SGCZ: variants seen among roughly 807,000 people sequenced by gnomAD.
SGCZ encodes sarcoglycan zeta.
Under a neutral mutation model 41.3 loss-of-function variants are expected in SGCZ, and 40 were observed. That is an observed-to-expected ratio of 0.97 (90% CI 0.75 to 1.26). The LOEUF is 1.26. Ranked by LOEUF, SGCZ falls within the 50% of genes most tolerant of loss-of-function variation. The pLI, the probability that SGCZ is intolerant of heterozygous loss-of-function variation, is 0.00. For missense variants in SGCZ, 552 were observed against 369.8 expected, an observed-to-expected ratio of 1.49 and a Z score of -4.04; for synonymous variants, 206 against 137.5, an observed-to-expected ratio of 1.50 and a Z score of -3.49.
intron 1 of SGCZ, among the ~76,000 whole-genome samples, chr8:14,890,132 G>T (rs150346558): frequency 6.6e-6 from 1 of 151,896 alleles, no homozygotes; most frequent in African/African-American, 2.4e-5. Context: ...CAGGTGAATC[G>T]CTTCAACGTG....
chr8:15,096,253 A>ATT (rs1376104166), intron 1 of SGCZ, among the ~76,000 whole-genome samples: 4 of 143,024 alleles, frequency 2.8e-5, no homozygotes, highest in African/African-American at 7.7e-5. Context: ...ACTTTTGGTA[A>ATT]TTTTTTTTTT....
At chr8:14,628,230 C>T (rs1806527184) in intron 1 of SGCZ, among the ~76,000 whole-genome samples, 1 of 151,974 alleles carries the variant, frequency 6.6e-6, no homozygotes, top group Non-Finnish European at 1.5e-5. Flanking sequence ...AAAAAGATCC[C>T]ATCTTGATCA....
At chr8:14,786,787 G>A (rs545085201) in intron 1 of SGCZ, among the ~76,000 whole-genome samples, 1 of 151,056 alleles carries the variant, frequency 6.6e-6, no homozygotes, top group East Asian at 2.0e-4. Context: ...AAACCAGAGA[G>A]GAGCTAAAGA....
intron 2 of SGCZ, among the ~76,000 whole-genome samples, chr8:14,337,456 C>A (rs185757128): frequency 8.5e-4 from 129 of 152,182 alleles, no homozygotes; most frequent in Non-Finnish European, 1.5e-3. Flanking sequence ...ATTTTGAGTA[C>A]TCTCCTGGGA....
chr8:15,052,240 A>G (rs530677764), intron 1 of SGCZ, among the ~76,000 whole-genome samples: 2 of 152,354 alleles, frequency 1.3e-5, no homozygotes, highest in South Asian at 4.1e-4. Flanking sequence ...GCAAGGAGCT[A>G]AAGAAAAGTC....
chr8:14,730,100 C>T (rs112991742), intron 1 of SGCZ, among the ~76,000 whole-genome samples: 3 of 152,006 alleles, frequency 2.0e-5, no homozygotes, highest in African/African-American at 7.2e-5. Flanking sequence ...AACAAGCAAA[C>T]AAAAAAACCA....
intron 3 of SGCZ, among the ~76,000 whole-genome samples, chr8:14,304,485 T>G (rs577667201): frequency 6.6e-6 from 1 of 151,894 alleles, no homozygotes; most frequent in African/African-American, 2.4e-5. Flanking sequence ...ACCCAGGTAC[T>G]TAGGAGGCTG....
At chr8:14,167,003 A>G (rs927221212) in intron 4 of SGCZ, among the ~76,000 whole-genome samples, 12 of 152,144 alleles carry the variant, frequency 7.9e-5, no homozygotes, top group African/African-American at 2.9e-4. Context: ...ATATTAGCAT[A>G]ATTACAGAAG....
chr8:14,922,547 C>G (rs762426386), intron 1 of SGCZ, among the ~76,000 whole-genome samples: 2 of 151,994 alleles, frequency 1.3e-5, no homozygotes, highest in Non-Finnish European at 2.9e-5. Flanking sequence ...CTCTGCCTCC[C>G]GGGTTCAAGC....
intron 1 of SGCZ, among the ~76,000 whole-genome samples, chr8:15,092,859 A>G (rs1180790591): frequency 1.3e-5 from 2 of 152,224 alleles, no homozygotes; most frequent in South Asian, 2.1e-4. Flanking sequence ...AACTATTTAA[A>G]GCAGACCCAC....
At chr8:14,568,376 G>T (rs1804445168) in intron 1 of SGCZ, among the ~76,000 whole-genome samples, 1 of 140,840 alleles carries the variant, frequency 7.1e-6, no homozygotes, top group African/African-American at 2.7e-5. Flanking sequence ...TTCAGCACAT[G>T]TATCCCAGAA....
intron 1 of SGCZ, among the ~76,000 whole-genome samples, chr8:14,870,310 G>A (rs1246865240): frequency 1.3e-5 from 2 of 151,664 alleles, no homozygotes; most frequent in African/African-American, 4.8e-5. Flanking sequence ...GGCCAACGCG[G>A]TGAAACCCCA....
At chr8:14,325,573 T>A (rs918388648) in intron 2 of SGCZ, among the ~76,000 whole-genome samples, 2 of 144,958 alleles carry the variant, frequency 1.4e-5, no homozygotes, top group Non-Finnish European at 3.1e-5. Flanking sequence ...TAATCATATA[T>A]AATAGATCAT....
chr8:14,147,058 G>C (rs1163813292), intron 5 of SGCZ, among the ~76,000 whole-genome samples: 1 of 151,546 alleles, frequency 6.6e-6, no homozygotes, highest in African/African-American at 2.4e-5. Context: ...TTAAAATAAT[G>C]GGTTATAAAA....
At chr8:14,353,268 A>C (rs947150315) in intron 2 of SGCZ, among the ~76,000 whole-genome samples, 2 of 152,094 alleles carry the variant, frequency 1.3e-5, no homozygotes, top group African/African-American at 4.8e-5. Context: ...TAACACAAAA[A>C]TATTAGTTAT....
intron 1 of SGCZ, among the ~76,000 whole-genome samples, chr8:14,807,469 T>G (rs1044709422): frequency 6.6e-6 from 1 of 151,912 alleles, no homozygotes; most frequent in Non-Finnish European, 1.5e-5. Context: ...ATGAGTGAAC[T>G]CCCATTCACA....
intron 1 of SGCZ, among the ~76,000 whole-genome samples, chr8:15,147,821 T>C (rs1289776150): frequency 2.0e-5 from 3 of 152,158 alleles, no homozygotes; most frequent in Non-Finnish European, 1.5e-5. Context: ...TGAAGAAGGA[T>C]GTCTATTAAT....
chr8:14,838,110 T>C (rs985678767), intron 1 of SGCZ, among the ~76,000 whole-genome samples: 8 of 152,264 alleles, frequency 5.3e-5, no homozygotes, highest in African/African-American at 1.9e-4. Context: ...AATCTCATGT[T>C]CTCACTCATA....
At chr8:14,878,667 A>C (rs1804461107) in intron 1 of SGCZ, among the ~76,000 whole-genome samples, 1 of 152,224 alleles carries the variant, frequency 6.6e-6, no homozygotes, top group Non-Finnish European at 1.5e-5. Context: ...AAGATCTATA[A>C]GAGGAACAGA....
Sources: allele counts gnomAD v4.1 joint callset (sites outside exome capture counted in the v4.1 genomes callset), GRCh38; gene constraint gnomAD v4.1.1; transcripts MANE v1.5; gene names NCBI Gene and HGNC (gene_info 2026-07-23, HGNC 2026-07-21).